KMT5B: variants seen among roughly 807,000 people sequenced by gnomAD.
KMT5B encodes the protein lysine methyltransferase 5B.
A neutral mutation model predicts 83.2 loss-of-function variants in KMT5B; 10 were observed. The observed-to-expected ratio is 0.12, with a 90% CI of 0.07 to 0.20. The LOEUF (loss-of-function observed/expected upper bound fraction) is 0.20. KMT5B is among the 10% of genes least tolerant of loss of function. The pLI is 1.00. For synonymous variants in KMT5B, 349 were observed against 388.8 expected (o/e 0.90, Z 1.20); for missense variants, 753 against 1,067.2 (o/e 0.71, Z 4.10).
chr11:68,159,547 CT>C (rs1394545967), intron 10 of KMT5B, among the ~76,000 whole-genome samples: 2 of 152,246 alleles, frequency 1.3e-5, no homozygotes, highest in East Asian at 3.9e-4. Context: ...TGGTTTTTTC[CT>C]TTCACAGATT....
At chr11:68,185,759 CA>C (rs1312328520) in intron 3 of KMT5B, 21 bp downstream of exon 3, 1 of 1,602,858 alleles carries the variant, frequency 6.2e-7, no homozygotes, top group Non-Finnish European at 8.5e-7. Flanking sequence ...CTGTTCCATT[CA>C]GGATAAAGAC....
chr11:68,165,495 TC>T (rs1427990060), intron 10 of KMT5B, among the ~76,000 whole-genome samples: 1 of 150,036 alleles, frequency 6.7e-6, no homozygotes, highest in African/African-American at 2.5e-5. Context: ...AGAGCGAGAC[TC>T]CGTCTCAAAA....
At chr11:68,180,045 A>C (rs1479733345) in intron 4 of KMT5B, 87 bp downstream of exon 4, 1 of 1,411,600 alleles carries the variant, frequency 7.1e-7, no homozygotes, top group Non-Finnish European at 9.5e-7. Context: ...TTATGCTGAC[A>C]CTTCAAATTA....
chr11:68,163,519 T>C (rs1012746599), intron 10 of KMT5B, among the ~76,000 whole-genome samples: 3 of 152,132 alleles, frequency 2.0e-5, no homozygotes, highest in African/African-American at 7.2e-5. Context: ...TAAGGCAGGG[T>C]GGCACAAGAC....
chr11:68,191,993 A>G (rs1858140568), intron 1 of KMT5B, among the ~76,000 whole-genome samples: 1 of 152,194 alleles, frequency 6.6e-6, no homozygotes, highest in Non-Finnish European at 1.5e-5. Context: ...ATATGTTTAG[A>G]TAACAAATAA....
In KMT5B at chr11:68,171,340, A is replaced by T; in HGVS notation, c.821-89T>A. 2 of 1,496,766 alleles carry T rather than the reference A, an allele frequency of 1.3e-6. No homozygotes were observed. The highest frequency in any genetic ancestry group is 1.8e-6 in the Non-Finnish European group (2 of 1,091,102). 92.7% of individuals were successfully genotyped at this position (1,496,766 alleles called of 1,614,324 possible). A position where few individuals can be genotyped will look rare whatever the true frequency, so the allele number is the denominator to read the frequency against. On this transcript the variant is annotated intron_variant, in intron 7 of 10. Transcript: ENST00000304363. This position sits in a 1 kb window ranked among gnomAD's most constrained non-coding sequence, Gnocchi z 5.1. The stretch of plus-strand genomic sequence containing the variant: ...TAGAAATCTGAAATAAGCTTTCCAT[A>T]TAACTTTACAACTTTTGATAGGAGT...
chr11:68,180,810 T>C lies in KMT5B; in HGVS notation c.309-610A>G, dbSNP rs185131566. Among the ~76,000 whole-genome samples the C allele has an allele frequency of 2.8e-4, 43 of 152,248 alleles. 1 individual carries two copies. The highest frequency in any genetic ancestry group is 1.5e-5 in the Non-Finnish European group (1 of 67,998). ...CTTAAAATATCCCGCTCCCACTCCA[T>C]TTAAAAACCAGAGGTATAAACAACA... On this transcript the variant is annotated intron_variant, in intron 3 of 10. Coordinates refer to ENST00000304363, the MANE Select transcript of KMT5B (RefSeq NM_017635.5).
intron 3 of KMT5B, among the ~76,000 whole-genome samples, chr11:68,185,081 G>C (rs968054692): frequency 1.3e-5 from 2 of 152,122 alleles, no homozygotes; most frequent in African/African-American, 4.8e-5. Flanking sequence ...CAACGTGTAA[G>C]AGAAAAGTCT....
chr11:68,172,955 A>C (rs1855992251), intron 6 of KMT5B, among the ~76,000 whole-genome samples: 1 of 152,192 alleles, frequency 6.6e-6, no homozygotes, highest in South Asian at 2.1e-4. Context: ...TTCCTGGGAG[A>C]TAACATAGGG....
At chr11:68,204,948 G>A (rs773802204) in intron 1 of KMT5B, among the ~76,000 whole-genome samples, 33 of 152,132 alleles carry the variant, frequency 2.2e-4, no homozygotes, top group Non-Finnish European at 3.7e-4. Context: ...CTAAGTTTAT[G>A]GAATTTGTTA....
chr11:68,164,433 T>C (rs1239295300), intron 10 of KMT5B, among the ~76,000 whole-genome samples: 1 of 152,200 alleles, frequency 6.6e-6, no homozygotes, highest in Non-Finnish European at 1.5e-5. Context: ...CTGCAGGATG[T>C]GGCTTCCAGA....
intron 1 of KMT5B, among the ~76,000 whole-genome samples, chr11:68,210,785 C>T (rs1430095585): frequency 1.3e-5 from 2 of 152,102 alleles, no homozygotes; most frequent in Non-Finnish European, 2.9e-5. Flanking sequence ...GACACATGGT[C>T]CCTATCGTCA....
At chr11:68,190,380 T>C (rs1295176065) in intron 1 of KMT5B, among the ~76,000 whole-genome samples, 2 of 152,244 alleles carry the variant, frequency 1.3e-5, no homozygotes, top group African/African-American at 2.4e-5. Context: ...ATTTACTATA[T>C]TATACTTTTT....
intron 1 of KMT5B, among the ~76,000 whole-genome samples, chr11:68,195,916 G>A (rs1858644714): frequency 6.6e-6 from 1 of 152,136 alleles, no homozygotes; most frequent in Non-Finnish European, 1.5e-5. Flanking sequence ...CAACACTTTG[G>A]GAGGCCCAGG....
intron 2 of KMT5B, among the ~76,000 whole-genome samples, chr11:68,186,550 G>A (rs1360187896): frequency 2.6e-5 from 4 of 152,186 alleles, no homozygotes; most frequent in African/African-American, 9.7e-5. Context: ...ACTGACCTCT[G>A]TTTGAAGCAA....
chr11:68,168,913 C>A (rs944100250), intron 9 of KMT5B, among the ~76,000 whole-genome samples: 3 of 152,208 alleles, frequency 2.0e-5, no homozygotes, highest in East Asian at 3.9e-4. Flanking sequence ...ATGCACTTGG[C>A]CTAACATTAA....
chr11:68,171,785 G>A lies in KMT5B; in HGVS notation c.654-76C>T, dbSNP rs750168122. On this transcript the variant is annotated intron_variant, in intron 6 of 10. Transcript: ENST00000304363. The surrounding 1 kb of genome is among the most constrained non-coding windows in gnomAD (Gnocchi z 5.1). ...AGGCTTCTTTTAATAAAATAATCCTGACAATAAATATCAGAAACTGAAAAG... is the reference window on the plus strand; with the variant it reads ...AGGCTTCTTTTAATAAAATAATCCTAACAATAAATATCAGAAACTGAAAAG... 4.8e-5 allele frequency: 58 copies of A among 1,203,310 alleles called. No homozygotes were observed. The highest frequency in any genetic ancestry group is 6.7e-5 in the Non-Finnish European group (57 of 854,374). The allele number at this position is 1,203,310 out of a possible 1,614,324, so 74.5% of individuals were successfully genotyped here.
At position 68,158,250 on chromosome 11, in the gene KMT5B, C is replaced by A. The variant is rs1166996604; in HGVS notation, c.2096G>T (p.Arg699Leu). 2 of 1,613,966 alleles carry A rather than the reference C, an allele frequency of 1.2e-6. No individual in the cohort carries two copies. Among genetic ancestry groups the A allele is most frequent in the East Asian group, 2.2e-5 (1 of 44,882 alleles). Residue 699 changes from arginine to leucine, a missense_variant, in exon 11 of 11, where the codon CGA becomes CTA. Physicochemically the swap from Arg to Leu is moderately radical, Grantham distance 102. Coordinates refer to ENST00000304363, the MANE Select transcript of KMT5B (RefSeq NM_017635.5). ...TAACTGTGCATCATACCTTGTGATT[C>A]GCCTCTTCTTTTTACTTTTTGCAGT... Reference protein sequence around the residue: ...FRTAKSKKKRRITRYDAQLIL... With the variant: ...FRTAKSKKKRLITRYDAQLIL...
intron 1 of KMT5B, among the ~76,000 whole-genome samples, chr11:68,205,714 G>A (rs1032620389): frequency 2.0e-5 from 3 of 150,648 alleles, no homozygotes; most frequent in African/African-American, 7.3e-5. Flanking sequence ...TCCACCTCCC[G>A]GGTTCAAGCC....
Sources: allele counts gnomAD v4.1 joint callset (sites outside exome capture counted in the v4.1 genomes callset), GRCh38; gene constraint gnomAD v4.1.1; non-coding constraint Gnocchi (gnomAD v3.1); transcripts MANE v1.5; gene names NCBI Gene and HGNC (gene_info 2026-07-23, HGNC 2026-07-21).